Variants in PLCXD3 observed in about 807,000 individuals in gnomAD.
PLCXD3 encodes phosphatidylinositol specific phospholipase C X domain containing 3.
A neutral mutation model predicts 25.5 loss-of-function variants in PLCXD3; 19 were observed. The observed-to-expected ratio is 0.75, with a 90% CI of 0.52 to 1.09. The LOEUF is 1.09. PLCXD3 is among the 50% of genes least tolerant of loss of function. The pLI is 0.00. For synonymous variants in PLCXD3, 174 were observed against 137.6 expected (o/e 1.26, Z -1.85); for missense variants, 411 against 388.1 (o/e 1.06, Z -0.50).
At chr5:41,465,438 A>G (rs1747996869) in intron 1 of PLCXD3, among the ~76,000 whole-genome samples, 1 of 122,324 alleles carries the variant, frequency 8.2e-6, no homozygotes, top group Admixed American at 1.1e-4. Context: ...ATTTAACAAT[A>G]ATTGTGTGTT....
At chr5:41,412,489 T>A (rs1746582664) in intron 1 of PLCXD3, among the ~76,000 whole-genome samples, 1 of 152,204 alleles carries the variant, frequency 6.6e-6, no homozygotes, top group Non-Finnish European at 1.5e-5. Flanking sequence ...TTTCTTCCTG[T>A]CTTTTCTCAG....
At chr5:41,509,417 C>T (rs1186364339) in intron 1 of PLCXD3, among the ~76,000 whole-genome samples, 2 of 152,164 alleles carry the variant, frequency 1.3e-5, no homozygotes, top group African/African-American at 2.4e-5. Flanking sequence ...TTGTTGTAAA[C>T]TGTCCTGAAA....
At chr5:41,328,654 T>G (rs1743701655) in intron 2 of PLCXD3, among the ~76,000 whole-genome samples, 1 of 152,026 alleles carries the variant, frequency 6.6e-6, no homozygotes, top group East Asian at 1.9e-4. Context: ...TTCAAACTGA[T>G]TACAGGATTC....
At chr5:41,385,511 G>A (rs150876363) in intron 1 of PLCXD3, among the ~76,000 whole-genome samples, 1 of 152,110 alleles carries the variant, frequency 6.6e-6, no homozygotes, top group East Asian at 1.9e-4. Context: ...TTCATTTCTT[G>A]GAAATAAGCA....
intron 2 of PLCXD3, among the ~76,000 whole-genome samples, chr5:41,380,579 A>G (rs1413801097): frequency 6.6e-6 from 1 of 152,100 alleles, no homozygotes; most frequent in Non-Finnish European, 1.5e-5. Flanking sequence ...GTATTCTTAC[A>G]CCACTCCAAG....
chr5:41,371,573 C>T (rs932368250), intron 2 of PLCXD3, among the ~76,000 whole-genome samples: 1 of 152,128 alleles, frequency 6.6e-6, no homozygotes, highest in Admixed American at 6.6e-5. Flanking sequence ...CTCAAGTCAC[C>T]CAACCTAAGC....
chr5:41,390,383 A>G (rs1341081757), intron 1 of PLCXD3, among the ~76,000 whole-genome samples: 2 of 152,202 alleles, frequency 1.3e-5, no homozygotes, highest in African/African-American at 4.8e-5. Context: ...TCCAAGGAGT[A>G]GAATTGCTAG....
At chr5:41,470,600 G>A (rs1411958688) in intron 1 of PLCXD3, among the ~76,000 whole-genome samples, 2 of 152,148 alleles carry the variant, frequency 1.3e-5, no homozygotes, top group Admixed American at 6.5e-5. Context: ...GCATACCATG[G>A]AAATTGAAGG....
intron 1 of PLCXD3, among the ~76,000 whole-genome samples, chr5:41,473,784 C>A (rs1403005568): frequency 6.6e-6 from 1 of 152,166 alleles, no homozygotes; most frequent in Non-Finnish European, 1.5e-5. Context: ...TAGAACCATT[C>A]ATTTTCAAGC....
chr5:41,310,741 AT>A lies in PLCXD3; in HGVS notation c.*2875del, dbSNP rs1015522893. ...AACTCCCCCTCTAGCTGGAGGACCC[AT>A]GGTTCCCTTCTACCTCTTCCCTCCT... On this transcript the variant is annotated 3_prime_UTR_variant, in exon 3 of 3. Transcript: ENST00000377801. The A allele has an allele frequency of 6.6e-6, 1 of 152,584 alleles. No individual in the cohort carries two copies. The highest frequency in any genetic ancestry group is 2.4e-5 in the African/African-American group (1 of 41,422). The allele number at this position is 152,584 out of a possible 1,614,324, so 9.5% of individuals were successfully genotyped here.
intron 2 of PLCXD3, among the ~76,000 whole-genome samples, chr5:41,316,602 C>G (rs547123544): frequency 2.4e-4 from 37 of 152,210 alleles, no homozygotes; most frequent in Non-Finnish European, 5.0e-4. Context: ...ATTTCTGGAC[C>G]TGCCCAGGGT....
chr5:41,424,638 A>T (rs1367712785), intron 1 of PLCXD3, among the ~76,000 whole-genome samples: 1 of 152,122 alleles, frequency 6.6e-6, no homozygotes, highest in Non-Finnish European at 1.5e-5. Flanking sequence ...TTTTTCTTTG[A>T]TGCAAGAAAT....
intron 2 of PLCXD3, among the ~76,000 whole-genome samples, chr5:41,379,395 T>A (rs1324108321): frequency 6.6e-6 from 1 of 152,146 alleles, no homozygotes; most frequent in Non-Finnish European, 1.5e-5. Context: ...CTTGTTTTGA[T>A]GAATAATTTG....
At chr5:41,369,389 A>AACAG (rs1745027195) in intron 2 of PLCXD3, among the ~76,000 whole-genome samples, 1 of 152,190 alleles carries the variant, frequency 6.6e-6, no homozygotes, top group Non-Finnish European at 1.5e-5. Flanking sequence ...TATTTTGAAA[A>AACAG]ACAGGCAACC....
chr5:41,450,346 C>T (rs946826308), intron 1 of PLCXD3, among the ~76,000 whole-genome samples: 3 of 152,076 alleles, frequency 2.0e-5, no homozygotes, highest in Non-Finnish European at 2.9e-5. Flanking sequence ...AAACAAGCTT[C>T]TCTGCTCTGT....
intron 1 of PLCXD3, among the ~76,000 whole-genome samples, chr5:41,407,624 C>T (rs1746391048): frequency 6.6e-6 from 1 of 152,170 alleles, no homozygotes; most frequent in South Asian, 2.1e-4. Context: ...AAAGACAACA[C>T]ACAATATGTA....
At chr5:41,316,047 A>G (rs1339495103) in intron 2 of PLCXD3, among the ~76,000 whole-genome samples, 2 of 152,208 alleles carry the variant, frequency 1.3e-5, no homozygotes. Flanking sequence ...GAGTGCTGGC[A>G]TCACCTCTCC....
intron 1 of PLCXD3, among the ~76,000 whole-genome samples, chr5:41,468,336 T>C (rs1453985285): frequency 6.6e-6 from 1 of 152,094 alleles, no homozygotes; most frequent in African/African-American, 2.4e-5. Context: ...TTCTTTTTGC[T>C]TAAGATTGGT....
chr5:41,388,591 A>G (rs1488530720), intron 1 of PLCXD3, among the ~76,000 whole-genome samples: 2 of 151,994 alleles, frequency 1.3e-5, no homozygotes. Context: ...TTATCCAAGC[A>G]CTCCCAAAAT....
Sources: allele counts gnomAD v4.1 joint callset (sites outside exome capture counted in the v4.1 genomes callset), GRCh38; gene constraint gnomAD v4.1.1; transcripts MANE v1.5; gene names NCBI Gene and HGNC (gene_info 2026-07-23, HGNC 2026-07-21).